The following ITSN1 variants were observed in gnomAD, a reference collection of about 807,000 sequenced individuals.
ITSN1 encodes the protein intersectin 1.
Under a neutral mutation model 239.8 loss-of-function variants are expected in ITSN1, and 58 were observed. That is an observed-to-expected ratio of 0.24 (90% CI 0.20 to 0.30). ITSN1 has a LOEUF of 0.30. Among genes scored for constraint, ITSN1 ranks in the 10% least tolerant of loss-of-function variants. The probability of loss-of-function intolerance (pLI) is 1.00; values close to 1 mark genes in which losing one functional copy is unlikely to be tolerated. For synonymous variants in ITSN1, 780 were observed against 770.8 expected (o/e 1.01, Z -0.20); for missense variants, 1,558 against 2,103.3 (o/e 0.74, Z 5.07).
intron 12 of ITSN1, among the ~76,000 whole-genome samples, chr21:33,773,218 G>A (rs1409233110): frequency 1.3e-5 from 2 of 151,992 alleles, no homozygotes; most frequent in African/African-American, 2.4e-5. Flanking sequence ...ATGTTGGTCA[G>A]GCTGATCTCG....
At position 33,899,476 on chromosome 21, in the gene ITSN1, G is replaced by A. The variant is rs1048453605; in HGVS notation, c.*11176G>A. The A allele has an allele frequency of 3.9e-5, 6 of 152,188 alleles. No homozygotes were observed. The highest frequency in any genetic ancestry group is 2.0e-4 in the Admixed American group (3 of 15,280). The allele number at this position is 152,188 out of a possible 1,614,324, so 9.4% of individuals were successfully genotyped here. A position where few individuals can be genotyped will look rare whatever the true frequency, so the allele number is the denominator to read the frequency against. ...AAAGAGAGACTATATTGTCTGATAT[G>A]TAATGTTAATGGAATTCTAAGAATT... On this transcript the variant is annotated 3_prime_UTR_variant, in exon 40 of 40. Coordinates refer to ENST00000381318, the MANE Select transcript of ITSN1 (RefSeq NM_003024.3).
intron 1 of ITSN1, among the ~76,000 whole-genome samples, chr21:33,665,332 C>T (rs992496451): frequency 6.6e-6 from 1 of 152,026 alleles, no homozygotes; most frequent in African/African-American, 2.4e-5. Context: ...CCTGAGTAGG[C>T]ATTTTTCCAA....
chr21:33,700,089 GT>G (rs1193557243), intron 1 of ITSN1, among the ~76,000 whole-genome samples: 11 of 146,976 alleles, frequency 7.5e-5, no homozygotes, highest in South Asian at 6.6e-4. Context: ...TTGTTGTTTT[GT>G]TTTTTTTTGG....
At chr21:33,799,712 G>T (rs2071830293) in intron 18 of ITSN1, 96 bp from the exon 19 acceptor site, 1 of 1,301,792 alleles carries the variant, frequency 7.7e-7, no homozygotes, top group Admixed American at 2.0e-5. Context: ...GTTAAGATAG[G>T]CAATAGAGGA....
intron 1 of ITSN1, among the ~76,000 whole-genome samples, chr21:33,697,893 A>G (rs2091866030): frequency 6.6e-6 from 1 of 152,220 alleles, no homozygotes; most frequent in Admixed American, 6.5e-5. Context: ...TTCCAAACAA[A>G]TAGACAAACT....
At chr21:33,657,734 C>G (rs1340071563) in intron 1 of ITSN1, among the ~76,000 whole-genome samples, 1 of 152,112 alleles carries the variant, frequency 6.6e-6, no homozygotes, top group Non-Finnish European at 1.5e-5. Context: ...GCCTGTAATC[C>G]CAGCACTTTG....
Position 33,837,764 on chromosome 21 carries a change from A to G in ITSN1, c.3661+1132A>G, listed in dbSNP as rs2074674066. The G allele has an allele frequency of 9.1e-6, 9 of 985,924 alleles. No individual in the cohort carries two copies. The South Asian group carries it at 3.8e-4, about 41-fold the overall frequency. 61.1% of individuals were successfully genotyped at this position (985,924 alleles called of 1,614,324 possible). A position where few individuals can be genotyped will look rare whatever the true frequency, so the allele number is the denominator to read the frequency against. ...TTTTGCACAGTGACCTTGTAGCCAC[A>G]TGAGAAAGCACTCTGTGTTTTTGTT... On this transcript the variant is annotated intron_variant, in intron 29 of 39. Transcript: ENST00000381318.
At chr21:33,837,009 C>G in intron 29 of ITSN1, 2 of 1,613,420 alleles carry the variant, frequency 1.2e-6, no homozygotes, top group Non-Finnish European at 1.7e-6. Context: ...GTCCATCCCC[C>G]CCTCAGGCTT....
chr21:33,815,454 G>A (rs151025807), intron 22 of ITSN1, among the ~76,000 whole-genome samples: 41 of 152,266 alleles, frequency 2.7e-4, no homozygotes, highest in Admixed American at 4.6e-4. Context: ...ACTAAGTACC[G>A]TGGTCAGGGC....
intron 11 of ITSN1, among the ~76,000 whole-genome samples, chr21:33,770,055 A>G (rs2069029101): frequency 6.7e-6 from 1 of 148,438 alleles, no homozygotes; most frequent in Non-Finnish European, 1.5e-5. Context: ...CTCAACGGCT[A>G]ATTTTTTTTG....
At chr21:33,858,612 C>T (rs1979834768) in intron 30 of ITSN1, 74 bp from the exon 31 acceptor site, 1 of 922,676 alleles carries the variant, frequency 1.1e-6, no homozygotes, top group Non-Finnish European at 1.8e-6. Context: ...TCCCTGCTCT[C>T]AGCGGATCGG....
intron 9 of ITSN1, among the ~76,000 whole-genome samples, chr21:33,765,449 G>C (rs987034352): frequency 2.6e-5 from 4 of 152,178 alleles, no homozygotes; most frequent in African/African-American, 9.7e-5. Context: ...CTATGATCTT[G>C]ACTGCAGTGA....
In ITSN1 at chr21:33,889,871, T is replaced by C; in HGVS notation, c.*1571T>C. 1 of 152,240 alleles carries C rather than the reference T, an allele frequency of 6.6e-6. No homozygotes were observed. The highest frequency in any genetic ancestry group is 1.9e-4 in the East Asian group (1 of 5,202). 9.4% of individuals were successfully genotyped at this position (152,240 alleles called of 1,614,324 possible). A position where few individuals can be genotyped will look rare whatever the true frequency, so the allele number is the denominator to read the frequency against. ...CCCGGTCATACTTCAAGCAATTTTT[T>C]TAAAAGTGTGTGTTGGAAAGGACAA... On this transcript the variant is annotated 3_prime_UTR_variant, in exon 40 of 40. Coordinates refer to ENST00000381318, the MANE Select transcript of ITSN1 (RefSeq NM_003024.3).
intron 1 of ITSN1, among the ~76,000 whole-genome samples, chr21:33,646,062 A>C (rs529248124): frequency 6.6e-6 from 1 of 151,880 alleles, no homozygotes; most frequent in East Asian, 1.9e-4. Flanking sequence ...CAGCGAGGCC[A>C]ATCTTTTAAA....
chr21:33,796,518 C>T (rs1357955388), intron 17 of ITSN1, among the ~76,000 whole-genome samples: 2 of 152,132 alleles, frequency 1.3e-5, no homozygotes, highest in Non-Finnish European at 2.9e-5. Flanking sequence ...CTAATTCTAG[C>T]CGATGACCTG....
chr21:33,644,065 ATTTG>A (rs566887967), intron 1 of ITSN1: 7 of 152,214 alleles, frequency 4.6e-5, no homozygotes, highest in Non-Finnish European at 8.8e-5. Context: ...GGAGGAATGT[ATTTG>A]TTGGGATACC....
At chr21:33,701,184 T>C (rs1295846715) in intron 1 of ITSN1, among the ~76,000 whole-genome samples, 1 of 152,154 alleles carries the variant, frequency 6.6e-6, no homozygotes, top group Non-Finnish European at 1.5e-5. Flanking sequence ...TTAGGCTTGC[T>C]TAGGCCTGGG....
intron 1 of ITSN1, among the ~76,000 whole-genome samples, chr21:33,703,657 AAT>A (rs2092122380): frequency 6.6e-6 from 1 of 152,228 alleles, no homozygotes; most frequent in African/African-American, 2.4e-5. Context: ...ACTAAAAGGA[AAT>A]ATAAATACCA....
intron 1 of ITSN1, among the ~76,000 whole-genome samples, chr21:33,718,074 A>G (rs187827346): frequency 6.6e-6 from 1 of 152,344 alleles, no homozygotes; most frequent in East Asian, 1.9e-4. Context: ...CACCAAACGA[A>G]TGATATCGTG....
Sources: gnomAD v4.1 joint callset for allele counts (sites outside exome capture counted in the v4.1 genomes callset) on GRCh38, gnomAD v4.1.1 for gene constraint, MANE v1.5 for transcripts, NCBI Gene and HGNC (gene_info 2026-07-23, HGNC 2026-07-21) for gene names.